The following NAALADL2 variants were observed in gnomAD, a reference collection of about 807,000 sequenced individuals.
NAALADL2 encodes N-acetylated alpha-linked acidic dipeptidase like 2, also known as inactive N-acetylated-alpha-linked acidic dipeptidase-like protein 2.
NAALADL2 carries 76 observed loss-of-function variants against 87.2 expected under a neutral mutation model. The ratio of observed to expected loss-of-function variants is 0.87; its 90% CI spans 0.72 to 1.05. NAALADL2 has a LOEUF of 1.05. Among genes scored for constraint, NAALADL2 ranks in the 50% least tolerant of loss-of-function variants. The pLI, the probability that NAALADL2 is intolerant of heterozygous loss-of-function variation, is 0.00. For missense variants in NAALADL2, 1,089 were observed against 945.8 expected (o/e 1.15, Z -1.99); for synonymous variants, 354 against 331.0 (o/e 1.07, Z -0.75).
chr3:174,681,541 C>A (rs1286132498), intron 2 of NAALADL2, among the ~76,000 whole-genome samples: 2 of 152,074 alleles, frequency 1.3e-5, no homozygotes, highest in South Asian at 2.1e-4. Flanking sequence ...AACCTGATAC[C>A]CCCATTCCAG....
At chr3:175,405,623 T>C (rs980304457) in intron 5 of NAALADL2, among the ~76,000 whole-genome samples, 4 of 152,212 alleles carry the variant, frequency 2.6e-5, no homozygotes, top group Non-Finnish European at 5.9e-5. Flanking sequence ...TTGGCACACA[T>C]TAAAATTTAT....
chr3:174,534,931 A>G (rs1005708087), intron 1 of NAALADL2, among the ~76,000 whole-genome samples: 5 of 152,222 alleles, frequency 3.3e-5, no homozygotes, highest in Non-Finnish European at 7.3e-5. Context: ...CATCTGAGGA[A>G]TGTTAAAAAA....
chr3:175,620,213 C>G (rs1726013873), intron 10 of NAALADL2, among the ~76,000 whole-genome samples: 1 of 152,196 alleles, frequency 6.6e-6, no homozygotes, highest in African/African-American at 2.4e-5. Flanking sequence ...GCTGCAACCT[C>G]TACCTGGGAC....
chr3:175,406,704 A>G (rs1273449661), intron 5 of NAALADL2, among the ~76,000 whole-genome samples: 1 of 151,906 alleles, frequency 6.6e-6, no homozygotes, highest in Non-Finnish European at 1.5e-5. Flanking sequence ...ATACCATCAA[A>G]CCTTTCCTTG....
chr3:175,471,895 C>G (rs1054050929), intron 9 of NAALADL2, 137 bp downstream of exon 9: 33 of 769,344 alleles, frequency 4.3e-5, no homozygotes, highest in Non-Finnish European at 5.9e-5. Flanking sequence ...TGATCTATTG[C>G]TGACATTTTA....
intron 9 of NAALADL2, among the ~76,000 whole-genome samples, chr3:175,496,919 A>G (rs1728897573): frequency 6.6e-6 from 1 of 152,116 alleles, no homozygotes; most frequent in South Asian, 2.1e-4. Context: ...CACTTTACAC[A>G]GAGTATTTTA....
At position 175,483,572 on chromosome 3, in the gene NAALADL2, A is replaced by G. The variant is rs189250988; in HGVS notation, c.1653+11814A>G. 2.6e-3 allele frequency among the ~76,000 whole-genome samples: 397 copies of G among 152,004 alleles called. 1 individual carries two copies. The highest frequency in any genetic ancestry group is 9.1e-3 in the African/African-American group (378 of 41,446). On this transcript the variant is annotated intron_variant, in intron 9 of 13. Transcript: ENST00000454872. Reference sequence around the variant, plus strand: ...AGCCATGCTCAGGGCTAGAACTTCAATAATGTTTGGTTTTCATAGTCATCT... The same window carrying G: ...AGCCATGCTCAGGGCTAGAACTTCAGTAATGTTTGGTTTTCATAGTCATCT...
chr3:174,497,994 A>G (rs1174982412), intron 1 of NAALADL2, among the ~76,000 whole-genome samples: 1 of 152,196 alleles, frequency 6.6e-6, no homozygotes, highest in East Asian at 1.9e-4. Context: ...CTAACATTTT[A>G]GAATGCTTAT....
chr3:175,442,663 A>G (rs1042133426), intron 5 of NAALADL2, among the ~76,000 whole-genome samples: 2 of 152,196 alleles, frequency 1.3e-5, no homozygotes, highest in African/African-American at 4.8e-5. Context: ...TACTATGCAC[A>G]TGTAGCATTG....
chr3:175,236,959 C>T (rs1746011011), intron 3 of NAALADL2, among the ~76,000 whole-genome samples: 1 of 152,146 alleles, frequency 6.6e-6, no homozygotes, highest in Admixed American at 6.5e-5. Context: ...GCCTCACCTT[C>T]AAGTGTCCTG....
At chr3:174,825,914 C>T (rs548785332) in intron 3 of NAALADL2, among the ~76,000 whole-genome samples, 3 of 152,200 alleles carry the variant, frequency 2.0e-5, no homozygotes, top group Non-Finnish European at 4.4e-5. Context: ...GTAGTCCCAG[C>T]TACTCAGGAG....
intron 1 of NAALADL2, among the ~76,000 whole-genome samples, chr3:174,998,196 A>C (rs1747783198): frequency 6.6e-6 from 1 of 152,196 alleles, no homozygotes; most frequent in Non-Finnish European, 1.5e-5. Context: ...GTATGAATTC[A>C]TTTGATCCTC....
chr3:175,344,389 C>T (rs1194225990), intron 5 of NAALADL2, among the ~76,000 whole-genome samples: 1 of 151,256 alleles, frequency 6.6e-6, no homozygotes, highest in Non-Finnish European at 1.5e-5. Flanking sequence ...ACTACTTCTC[C>T]TTCTGGTTTC....
At position 175,316,025 on chromosome 3, in the gene NAALADL2, T is replaced by C. The variant is rs571915135; in HGVS notation, c.940-8150T>C. 1.8e-3 allele frequency among the ~76,000 whole-genome samples: 273 copies of C among 152,308 alleles called. 1 individual carries two copies. Among genetic ancestry groups the C allele is most frequent in the South Asian group, 3.3e-3 (16 of 4,830 alleles). On this transcript the variant is annotated intron_variant, in intron 4 of 13. Coordinates refer to ENST00000454872, the MANE Select transcript of NAALADL2 (RefSeq NM_207015.3). ...TCATTGAGTTAGACTACATGGTTTT[T>C]CATTTAGAGCAGAAAGGATCTTTGG...
chr3:175,337,180 C>A (rs1470684625), intron 5 of NAALADL2, among the ~76,000 whole-genome samples: 1 of 148,568 alleles, frequency 6.7e-6, no homozygotes, highest in East Asian at 1.9e-4. Context: ...TTACTGATAG[C>A]AACCCCTTTT....
At chr3:175,748,132 TTAAA>T (rs1746158974) in intron 12 of NAALADL2, among the ~76,000 whole-genome samples, 3 of 152,204 alleles carry the variant, frequency 2.0e-5, no homozygotes. Flanking sequence ...TTTTTCACCC[TTAAA>T]TAATATCTTT....
At chr3:175,181,787 ATG>A (rs1387845317) in intron 2 of NAALADL2, among the ~76,000 whole-genome samples, 5 of 144,324 alleles carry the variant, frequency 3.5e-5, no homozygotes, top group African/African-American at 1.0e-4. Context: ...ATGTATATAT[ATG>A]TGTGTGTGTA....
At chr3:175,407,681 A>C (rs1203866374) in intron 5 of NAALADL2, among the ~76,000 whole-genome samples, 1 of 152,236 alleles carries the variant, frequency 6.6e-6, no homozygotes, top group East Asian at 1.9e-4. Flanking sequence ...GGACTGCAGT[A>C]GTCACAGACA....
chr3:174,921,429 G>A (rs1475526763), intron 1 of NAALADL2, among the ~76,000 whole-genome samples: 1 of 151,952 alleles, frequency 6.6e-6, no homozygotes, highest in Non-Finnish European at 1.5e-5. Flanking sequence ...AGCATTTAAA[G>A]TAACCAGACA....
Sources: gnomAD v4.1 joint callset for allele counts (sites outside exome capture counted in the v4.1 genomes callset) on GRCh38, gnomAD v4.1.1 for gene constraint, MANE v1.5 for transcripts, NCBI Gene and HGNC (gene_info 2026-07-23, HGNC 2026-07-21) for gene names.